The following SOX5 variants were observed in gnomAD, a reference collection of about 807,000 sequenced individuals.
The protein encoded by SOX5 is SRY-box transcription factor 5.
In SOX5, 9 loss-of-function variants were observed where a neutral mutation model predicts 92.0. That is an observed-to-expected ratio of 0.10 (90% CI 0.06 to 0.17). SOX5 has a LOEUF of 0.17. Among genes scored for constraint, SOX5 ranks in the 10% least tolerant of loss-of-function variants. The pLI is 1.00. For missense variants in SOX5, 642 were observed against 944.5 expected (o/e 0.68, Z 4.20); for synonymous variants, 344 against 336.3 (o/e 1.02, Z -0.25).
intron 2 of SOX5, among the ~76,000 whole-genome samples, chr12:24,307,786 A>AGGAAGGAG (rs1948762087): frequency 1.3e-5 from 2 of 148,340 alleles, no homozygotes; most frequent in African/African-American, 2.5e-5. Context: ...GAAGGAAGGA[A>AGGAAGGAG]GGAAGGAGGG....
rs188363498 is a variant in SOX5 at position 24,354,782 on chromosome 12, A to C, written c.-174+13781T>G. ...AAGCAAGTTTGGATGGGTAGAGAAG[A>C]GTTCAGTTTGGCCGCAGATAATCTA... is the stretch of plus-strand genomic sequence containing the variant. On this transcript the variant is annotated intron_variant, in intron 2 of 4. Coordinates refer to the SOX5 transcript ENST00000446891. Among the ~76,000 whole-genome samples, 44 of 152,326 alleles carry C rather than the reference A, an allele frequency of 2.9e-4. No individual in the cohort carries two copies. The East Asian group carries it at 7.5e-3, about 26-fold the overall frequency.
intron 1 of SOX5, among the ~76,000 whole-genome samples, chr12:24,507,163 G>C (rs1165071728): frequency 1.3e-5 from 2 of 151,832 alleles, no homozygotes; most frequent in Non-Finnish European, 2.9e-5. Flanking sequence ...ATTGATTTAG[G>C]CAATAATCAT....
chr12:24,486,877 T>G (rs1042136548), intron 1 of SOX5, among the ~76,000 whole-genome samples: 2 of 152,192 alleles, frequency 1.3e-5, no homozygotes, highest in African/African-American at 4.8e-5. Flanking sequence ...AACATCTCCA[T>G]GTGTGTAGAC....
intron 6 of SOX5, among the ~76,000 whole-genome samples, chr12:23,713,738 T>A (rs967597428): frequency 6.7e-6 from 1 of 148,188 alleles, no homozygotes; most frequent in Non-Finnish European, 1.5e-5. Flanking sequence ...ATATATAATA[T>A]ACATATATAT....
At chr12:24,017,933 G>A (rs1015876154) in intron 4 of SOX5, among the ~76,000 whole-genome samples, 16 of 152,076 alleles carry the variant, frequency 1.1e-4, no homozygotes, top group Admixed American at 3.9e-4. Flanking sequence ...ATCTTCCCCC[G>A]TTTGAGGTTA....
At chr12:24,489,696 C>T (rs1168723902) in intron 1 of SOX5, among the ~76,000 whole-genome samples, 5 of 152,202 alleles carry the variant, frequency 3.3e-5, no homozygotes, top group African/African-American at 1.2e-4. Flanking sequence ...TCTTCAGTTA[C>T]ATCTATCCCC....
chr12:23,709,821 G>A (rs2091860255), intron 6 of SOX5, among the ~76,000 whole-genome samples: 1 of 152,166 alleles, frequency 6.6e-6, no homozygotes, highest in Non-Finnish European at 1.5e-5. Context: ...TAACTTTGAA[G>A]TAATATTTTA....
At chr12:24,059,528 G>A (rs556423261) in intron 4 of SOX5, among the ~76,000 whole-genome samples, 1 of 152,236 alleles carries the variant, frequency 6.6e-6, no homozygotes, top group East Asian at 1.9e-4. Flanking sequence ...TGAGGTAGAT[G>A]AGGAAGGAAC....
At chr12:24,481,076 G>C (rs1945937526) in intron 1 of SOX5, among the ~76,000 whole-genome samples, 1 of 152,150 alleles carries the variant, frequency 6.6e-6, no homozygotes, top group African/African-American at 2.4e-5. Context: ...ATTCAGCCAT[G>C]AAAAAGAATG....
intron 11 of SOX5, among the ~76,000 whole-genome samples, chr12:23,554,408 A>C (rs1944751906): frequency 6.6e-6 from 1 of 152,166 alleles, no homozygotes; most frequent in Non-Finnish European, 1.5e-5. Context: ...GCTGGGGCAC[A>C]GGCGAATTGA....
intron 2 of SOX5, among the ~76,000 whole-genome samples, chr12:23,857,599 T>C (rs78929081): frequency 0.016 from 2,440 of 152,288 alleles, 73 homozygotes; most frequent in African/African-American, 0.056. Context: ...AGCCTGGTGA[T>C]AGTTACTTCT....
At chr12:23,781,986 T>G (rs1264600868) in intron 3 of SOX5, among the ~76,000 whole-genome samples, 1 of 152,116 alleles carries the variant, frequency 6.6e-6, no homozygotes, top group East Asian at 1.9e-4. Flanking sequence ...TTGGATTTCT[T>G]GGTAAGACTG....
intron 1 of SOX5, among the ~76,000 whole-genome samples, chr12:23,906,351 C>G (rs1293411788): frequency 6.6e-6 from 1 of 152,114 alleles, no homozygotes; most frequent in East Asian, 1.9e-4. Context: ...AAAGCTTTTT[C>G]CATTTGAGCA....
intron 3 of SOX5, among the ~76,000 whole-genome samples, chr12:24,244,752 G>A (rs940954715): frequency 2.6e-5 from 4 of 152,178 alleles, no homozygotes; most frequent in African/African-American, 7.2e-5. Context: ...GAGTGCAATG[G>A]CATGATCTTG....
At chr12:24,087,671 C>T (rs965173018) in intron 4 of SOX5, among the ~76,000 whole-genome samples, 36 of 152,148 alleles carry the variant, frequency 2.4e-4, no homozygotes, top group African/African-American at 8.4e-4. Context: ...TAAGGCATAA[C>T]CCTGGCTTGT....
chr12:24,042,237 CTTGGTACTG>C (rs1956593734), intron 4 of SOX5, among the ~76,000 whole-genome samples: 1 of 151,992 alleles, frequency 6.6e-6, no homozygotes, highest in Admixed American at 6.5e-5. Flanking sequence ...TTTAGGTAGC[CTTGGTACTG>C]TTGGTTCTAA....
intron 4 of SOX5, among the ~76,000 whole-genome samples, chr12:24,113,792 C>T (rs1947655331): frequency 6.6e-6 from 1 of 152,114 alleles, no homozygotes; most frequent in Non-Finnish European, 1.5e-5. Flanking sequence ...ACTGGGTGCC[C>T]TGTTATCTGT....
At position 24,393,429 on chromosome 12, in the gene SOX5, A is replaced by T. The variant is rs1596243977; in HGVS notation, c.-250-24790T>A. ...AGAATGACAATCCAGTATGACAGAA[A>T]AGGGTTTTGCAAGGGCTTGGAGGAT... On this transcript the variant is annotated intron_variant, in intron 1 of 4. Coordinates refer to the SOX5 transcript ENST00000446891. The surrounding 1 kb of genome is among the most constrained non-coding windows in gnomAD (Gnocchi z 5.0). 6.6e-6 allele frequency among the ~76,000 whole-genome samples: 1 copy of T among 152,192 alleles called. No individual in the cohort carries two copies. Among genetic ancestry groups the T allele is most frequent in the Non-Finnish European group, 1.5e-5 (1 of 68,026 alleles).
At chr12:23,551,254 A>C (rs1462573430) in intron 11 of SOX5, among the ~76,000 whole-genome samples, 1 of 151,972 alleles carries the variant, frequency 6.6e-6, no homozygotes, top group Non-Finnish European at 1.5e-5. Context: ...TGAACCTCAC[A>C]GACCACCAAA....
Sources: allele counts gnomAD v4.1 joint callset (sites outside exome capture counted in the v4.1 genomes callset), GRCh38; gene constraint gnomAD v4.1.1; non-coding constraint Gnocchi (gnomAD v3.1); transcripts MANE v1.5; gene names NCBI Gene and HGNC (gene_info 2026-07-23, HGNC 2026-07-21).